DNAI7: variants seen among roughly 807,000 people sequenced by gnomAD.
DNAI7 encodes dynein axonemal intermediate chain 7, also known as cancer susceptibility 1.
In DNAI7, 78 loss-of-function variants were observed where a neutral mutation model predicts 86.6. The observed-to-expected ratio is 0.90, with a 90% confidence interval of 0.75 to 1.09. The LOEUF is 1.09. DNAI7 is among the 50% of genes least tolerant of loss of function. DNAI7 has a pLI of 0.00. For missense variants in DNAI7, 753 were observed against 810.2 expected, an observed-to-expected ratio of 0.93 and a Z score of 0.86; for synonymous variants, 274 against 273.0, an observed-to-expected ratio of 1.00 and a Z score of -0.04.
At chr12:25,175,643 C>T (rs973114943) in intron 2 of DNAI7, among the ~76,000 whole-genome samples, 3 of 142,158 alleles carry the variant, frequency 2.1e-5, no homozygotes, top group Non-Finnish European at 3.1e-5. Context: ...CCACTGCGCC[C>T]GGCTCTACAC....
intron 2 of DNAI7, among the ~76,000 whole-genome samples, chr12:25,164,066 A>T (rs918900057): frequency 6.6e-6 from 1 of 151,808 alleles, no homozygotes; most frequent in Non-Finnish European, 1.5e-5. Context: ...TTGGTCCTTC[A>T]CCCTTAGCGG....
At chr12:25,145,729 C>T (rs142054920) in intron 8 of DNAI7, among the ~76,000 whole-genome samples, 1 of 152,068 alleles carries the variant, frequency 6.6e-6, no homozygotes, top group African/African-American at 2.4e-5. Flanking sequence ...AGAACCTAGG[C>T]CTCCTAATTT....
rs1016835543 is a variant in DNAI7 at position 25,123,130 on chromosome 12, T to C, written c.1078+81A>G. On this transcript the variant is annotated intron_variant, in intron 10 of 15. Coordinates refer to ENST00000395987, the MANE Select transcript of DNAI7 (RefSeq NM_018272.5). ...AAATATATTTTTGCAATGTCTGAAT[T>C]TTTTTAACAATGATCCTGTATTTCT... 4.2e-6 allele frequency: 4 copies of C among 949,236 alleles called. No homozygotes were observed. The African/African-American group carries it at 5.1e-5, about 12-fold the overall frequency. 58.8% of individuals were successfully genotyped at this position (949,236 alleles called of 1,614,324 possible). A position where few individuals can be genotyped will look rare whatever the true frequency, so the allele number is the denominator to read the frequency against.
At chr12:25,171,126 T>C (rs1479191169) in intron 2 of DNAI7, among the ~76,000 whole-genome samples, 1 of 151,360 alleles carries the variant, frequency 6.6e-6, no homozygotes, top group African/African-American at 2.4e-5. Flanking sequence ...ATAACCAAGA[T>C]CAGAACAGAA....
At chr12:25,109,100 G>A (rs1789083347) in intron 15 of DNAI7, among the ~76,000 whole-genome samples, 1 of 152,114 alleles carries the variant, frequency 6.6e-6, no homozygotes, top group African/African-American at 2.4e-5. Context: ...GGATATAACA[G>A]AGAAAGAAAA....
At chr12:25,143,440 G>A (rs112540294) in intron 9 of DNAI7, among the ~76,000 whole-genome samples, 3,414 of 151,440 alleles carry the variant, frequency 0.023, 107 homozygotes, top group African/African-American at 0.079. Context: ...AGCAGAGACA[G>A]GGTTTCACCA....
At chr12:25,155,941 C>G (rs1286342764) in intron 4 of DNAI7, among the ~76,000 whole-genome samples, 1 of 152,062 alleles carries the variant, frequency 6.6e-6, no homozygotes, top group African/African-American at 2.4e-5. Context: ...ACCATCTCGA[C>G]CAAAAATACA....
intron 9 of DNAI7, among the ~76,000 whole-genome samples, chr12:25,125,602 C>T (rs996573326): frequency 1.3e-5 from 2 of 152,120 alleles, no homozygotes; most frequent in Non-Finnish European, 2.9e-5. Flanking sequence ...TGCAGAAACT[C>T]TTAAGTTTAA....
intron 9 of DNAI7, among the ~76,000 whole-genome samples, chr12:25,124,032 T>TTGTGTATGTGTGTGTG (rs1555159115): frequency 2.1e-5 from 3 of 144,574 alleles, no homozygotes; most frequent in Non-Finnish European, 3.0e-5. Flanking sequence ...AGTATAAAAA[T>TTGTGTATGTGTGTGTG]TGTGTGTGTG....
intron 2 of DNAI7, among the ~76,000 whole-genome samples, chr12:25,186,092 A>T (rs1950008626): frequency 6.6e-6 from 1 of 152,166 alleles, no homozygotes; most frequent in Non-Finnish European, 1.5e-5. Flanking sequence ...TTCTTCTCAT[A>T]GTCTAATCAC....
chr12:25,162,517 A>G (rs1946949423), intron 2 of DNAI7, among the ~76,000 whole-genome samples: 1 of 152,228 alleles, frequency 6.6e-6, no homozygotes, highest in South Asian at 2.1e-4. Context: ...GAAGAGCACC[A>G]TCTACATTTA....
At chr12:25,125,975 T>C (rs1229554207) in intron 9 of DNAI7, among the ~76,000 whole-genome samples, 1 of 152,238 alleles carries the variant, frequency 6.6e-6, no homozygotes, top group Non-Finnish European at 1.5e-5. Context: ...TCTATGTGCC[T>C]GTTTCTGTAC....
At chr12:25,158,636 A>T (rs1191374699) in intron 3 of DNAI7, 73 bp from the exon 4 acceptor site, 1 of 1,527,072 alleles carries the variant, frequency 6.5e-7, no homozygotes, top group Non-Finnish European at 8.8e-7. Flanking sequence ...ATTACTCCTA[A>T]TATTTTCAAG....
At chr12:25,146,599 C>CAAAAAAAAA (rs55857702) in intron 8 of DNAI7, among the ~76,000 whole-genome samples, 3,363 of 140,228 alleles carry the variant, frequency 0.024, 107 homozygotes, top group East Asian at 0.076. Flanking sequence ...GACTGTGTCT[C>CAAAAAAAAA]AAAAAAAAAA....
At chr12:25,110,101 G>C (rs1484688683) in intron 15 of DNAI7, 26 bp downstream of exon 15, 2 of 1,142,776 alleles carry the variant, frequency 1.8e-6, no homozygotes, top group Non-Finnish European at 2.6e-6. Context: ...GGACAAAGTA[G>C]TTTTATGGGT....
intron 3 of DNAI7, among the ~76,000 whole-genome samples, chr12:25,159,193 G>A (rs1465673381): frequency 6.6e-6 from 1 of 152,192 alleles, no homozygotes; most frequent in Non-Finnish European, 1.5e-5. Context: ...GCTCCCTTGA[G>A]CACTCACTGT....
At chr12:25,119,356 T>C (rs1940821814) in intron 11 of DNAI7, 55 bp from the exon 12 acceptor site, 1 of 1,151,098 alleles carries the variant, frequency 8.7e-7, no homozygotes, top group Non-Finnish European at 1.3e-6. Context: ...CAGTGAAAAA[T>C]GTAAATAGTA....
chr12:25,118,617 A>T (rs908181707), intron 12 of DNAI7, among the ~76,000 whole-genome samples: 1 of 151,936 alleles, frequency 6.6e-6, no homozygotes, highest in Non-Finnish European at 1.5e-5. Context: ...GATGGAGTGC[A>T]GTGGCACCAT....
At chr12:25,136,000 T>C (rs1271933526) in intron 9 of DNAI7, among the ~76,000 whole-genome samples, 1 of 152,144 alleles carries the variant, frequency 6.6e-6, no homozygotes, top group Admixed American at 6.5e-5. Context: ...TGAATACTTA[T>C]CCAGGTTACC....
Sources: gnomAD v4.1 joint callset for allele counts (sites outside exome capture counted in the v4.1 genomes callset) on GRCh38, gnomAD v4.1.1 for gene constraint, MANE v1.5 for transcripts, NCBI Gene and HGNC (gene_info 2026-07-23, HGNC 2026-07-21) for gene names.